The following LAMC3 variants were observed in gnomAD, a reference collection of about 807,000 sequenced individuals.
LAMC3 encodes laminin subunit gamma-3.
In LAMC3, 128 loss-of-function variants were observed where a neutral mutation model predicts 173.8. That is an observed-to-expected ratio of 0.74 (90% confidence interval 0.64 to 0.85). The LOEUF is 0.85. LAMC3 is among the 40% of genes least tolerant of loss of function. LAMC3 has a pLI of 0.00. For synonymous variants in LAMC3, 897 were observed against 909.1 expected (o/e 0.99, Z 0.24); for missense variants, 2,022 against 2,156.0 (o/e 0.94, Z 1.23).
intron 13 of LAMC3, among the ~76,000 whole-genome samples, chr9:131,065,472 G>A (rs1200302505): frequency 6.6e-6 from 1 of 152,202 alleles, no homozygotes; most frequent in Non-Finnish European, 1.5e-5. Context: ...CCAGCTAAGA[G>A]GGGGATGAGG....
At position 131,075,310 on chromosome 9, in the gene LAMC3, ACG is replaced by A. The variant is rs531753394; in HGVS notation, c.3495-519_3495-518del. ...AGGCCCTGGCTGGGTGCAGTGGCTC[ACG>A]CCTGTAATCCCAGCACTTTGGGAGG... On this transcript the variant is annotated intron_variant, in intron 20 of 27. Coordinates refer to ENST00000361069, the MANE Select transcript of LAMC3 (RefSeq NM_006059.4). Among the ~76,000 whole-genome samples the A allele has an allele frequency of 5.0e-3, 756 of 152,212 alleles. 9 individuals are homozygous for A. Among genetic ancestry groups the A allele is most frequent in the African/African-American group, 0.017 (701 of 41,536 alleles).
intron 27 of LAMC3, among the ~76,000 whole-genome samples, chr9:131,090,377 G>C (rs1175237178): frequency 6.6e-6 from 1 of 152,206 alleles, no homozygotes; most frequent in African/African-American, 2.4e-5. Context: ...GCCTGGGCAG[G>C]TAGAGTGGGG....
At chr9:131,035,336 G>A (rs146842501) in intron 3 of LAMC3, among the ~76,000 whole-genome samples, 5,106 of 152,158 alleles carry the variant, frequency 0.034, 119 homozygotes, top group Non-Finnish European at 0.054. Context: ...CTTGGCTTCT[G>A]GGGAGGCCTC....
chr9:131,072,632 G>A lies in LAMC3; in HGVS notation c.3214G>A (p.Ala1072Thr), dbSNP rs751528821. ...VYQGHHLLPG[A>T]REAFLEQMMS... ...CCTGGGCTGTGGGCTTCCCATAGGGGCTCGGGAAGCCTTCCTGGAGCAGAT... is the reference window on the plus strand; with the variant it reads ...CCTGGGCTGTGGGCTTCCCATAGGGACTCGGGAAGCCTTCCTGGAGCAGAT... The change falls in exon 19 of 28, where the codon GCT becomes ACT. Residue 1072 changes from alanine (A) to threonine (T), a missense_variant and splice_region_variant. By Grantham distance (58) the Ala-to-Thr change is moderately conservative. Coordinates refer to ENST00000361069, the MANE Select transcript of LAMC3 (RefSeq NM_006059.4). 6.2e-7 allele frequency: 1 copy of A among 1,608,500 alleles called. No homozygotes were observed. The highest frequency in any genetic ancestry group is 1.7e-5 in the Admixed American group (1 of 59,562).
intron 23 of LAMC3, among the ~76,000 whole-genome samples, chr9:131,080,984 G>A (rs920903725): frequency 6.6e-6 from 1 of 152,184 alleles, no homozygotes; most frequent in African/African-American, 2.4e-5. Context: ...ACGATGTTAT[G>A]CCACCTCCAC....
chr9:131,063,233 G>C (rs566366808), intron 13 of LAMC3, among the ~76,000 whole-genome samples: 1 of 152,178 alleles, frequency 6.6e-6, no homozygotes, highest in Non-Finnish European at 1.5e-5. Context: ...ATTGCACTGC[G>C]GGACCCTGCA....
Position 131,041,136 on chromosome 9 carries a change from G to A in LAMC3, c.1284-501G>A, listed in dbSNP as rs139093466. Among the ~76,000 whole-genome samples the A allele has an allele frequency of 6.0e-3, 916 of 152,206 alleles. 9 individuals are homozygous for A. The highest frequency in any genetic ancestry group is 0.021 in the African/African-American group (873 of 41,510). ...AATCCTGGCACTTTGGGAGGCCAAG[G>A]CAGGTGGATCACCTGAGGTCACGAG... is the stretch of plus-strand genomic sequence containing the variant. On this transcript the variant is annotated intron_variant, in intron 6 of 27. Transcript: ENST00000361069.
chr9:131,037,223 C>G (rs1833963106), intron 4 of LAMC3, among the ~76,000 whole-genome samples: 1 of 152,344 alleles, frequency 6.6e-6, no homozygotes. Context: ...GGTGGGGACA[C>G]AGAGGCCAGA....
intron 1 of LAMC3, among the ~76,000 whole-genome samples, chr9:131,019,028 C>A (rs958634171): frequency 6.6e-6 from 1 of 152,160 alleles, no homozygotes; most frequent in African/African-American, 2.4e-5. Context: ...TTTGGGAGGC[C>A]GAGGCAGGCA....
chr9:131,012,510 C>G (rs550272129), intron 1 of LAMC3, among the ~76,000 whole-genome samples: 16 of 152,372 alleles, frequency 1.1e-4, no homozygotes, highest in Admixed American at 7.2e-4. Flanking sequence ...TCCCGGCCGC[C>G]CTGCCTCCTC....
chr9:131,012,113 G>A (rs967808842), intron 1 of LAMC3, among the ~76,000 whole-genome samples: 5 of 150,370 alleles, frequency 3.3e-5, no homozygotes, highest in African/African-American at 7.4e-5. Context: ...GTCTTATCCC[G>A]GTGAGCATTC....
chr9:131,059,551 C>G (rs1254329635), intron 12 of LAMC3, among the ~76,000 whole-genome samples: 1 of 24,762 alleles, frequency 4.0e-5, no homozygotes, highest in Non-Finnish European at 1.6e-4. Flanking sequence ...GGAGGGCAAG[C>G]ACAACCACAC....
intron 1 of LAMC3, among the ~76,000 whole-genome samples, chr9:131,017,299 G>GTCACTGGGAGTTCAT (rs1564362622): frequency 6.6e-6 from 1 of 152,218 alleles, no homozygotes; most frequent in Non-Finnish European, 1.5e-5. Flanking sequence ...GAAAAAGGCA[G>GTCACTGGGAGTTCAT]TCACTGGGAG....
intron 13 of LAMC3, among the ~76,000 whole-genome samples, chr9:131,065,014 C>G (rs1829902878): frequency 7.5e-6 from 1 of 133,722 alleles, no homozygotes; most frequent in Non-Finnish European, 1.5e-5. Flanking sequence ...GCACTCCAGC[C>G]TGGGCAACAG....
chr9:131,074,401 A>C (rs1398006435), intron 20 of LAMC3, among the ~76,000 whole-genome samples: 1 of 150,664 alleles, frequency 6.6e-6, no homozygotes, highest in Non-Finnish European at 1.5e-5. Context: ...ACTGCCTTTA[A>C]GGAGCAGCTT....
chr9:131,075,763 C>T (rs970115951), intron 20 of LAMC3, 68 bp from the exon 21 acceptor site: 94 of 1,532,872 alleles, frequency 6.1e-5, no homozygotes, highest in South Asian at 4.0e-4. Context: ...TAGTAGGGGG[C>T]GTAGTTCTGA....
chr9:131,085,081 C>T (rs1830307153), intron 24 of LAMC3, among the ~76,000 whole-genome samples: 1 of 152,164 alleles, frequency 6.6e-6, no homozygotes, highest in East Asian at 1.9e-4. Context: ...TGTCCTTCCT[C>T]ATCCCTCCAG....
Position 131,073,298 on chromosome 9 carries a change from A to C in LAMC3, c.3471A>C (p.Thr1157=). The C allele has an allele frequency of 6.2e-7, 1 of 1,613,886 alleles. No homozygotes were observed. Among genetic ancestry groups the C allele is most frequent in the Non-Finnish European group, 8.5e-7 (1 of 1,179,924 alleles). Reference sequence around the variant, plus strand: ...CGACCAAATGGAGCCACCTGGCCACAGAGGCCCGTGCCCTCGCCAGGAGGT... The same window carrying C: ...CGACCAAATGGAGCCACCTGGCCACCGAGGCCCGTGCCCTCGCCAGGAGGT... ...SQPTKWSHLA[T]EARALARSHR... is the part of the protein sequence containing the mutation. Residue 1157 remains threonine, a synonymous_variant, in exon 20 of 28, where the codon ACA becomes ACC. Transcript: ENST00000361069.
intron 23 of LAMC3, among the ~76,000 whole-genome samples, chr9:131,081,216 C>T (rs912253909): frequency 2.6e-5 from 4 of 152,356 alleles, no homozygotes; most frequent in South Asian, 2.1e-4. Flanking sequence ...ACCTGCCTTG[C>T]GGCCTGGATC....
Sources: gnomAD v4.1 joint callset for allele counts (sites outside exome capture counted in the v4.1 genomes callset) on GRCh38, gnomAD v4.1.1 for gene constraint, MANE v1.5 for transcripts, NCBI Gene and HGNC (gene_info 2026-07-23, HGNC 2026-07-21) for gene names.